NHEJ1: variants seen among roughly 807,000 people sequenced by gnomAD.
NHEJ1 encodes non-homologous end-joining factor 1.
A neutral mutation model predicts 39.4 loss-of-function variants in NHEJ1; 22 were observed. The observed-to-expected ratio is 0.56, with a 90% CI of 0.40 to 0.80. The LOEUF is 0.80. NHEJ1 is among the 30% of genes least tolerant of loss of function. The pLI is 0.00. For missense variants in NHEJ1, 329 were observed against 357.1 expected, an observed-to-expected ratio of 0.92 and a Z score of 0.63; for synonymous variants, 154 against 135.6, an observed-to-expected ratio of 1.14 and a Z score of -0.94.
intron 5 of NHEJ1, chr2:219,095,142 G>C (rs557976730): frequency 1.6e-5 from 6 of 381,976 alleles, no homozygotes; most frequent in African/African-American, 1.3e-4. Context: ...TGGGCAGTGG[G>C]TGTGGCTAAG....
intron 5 of NHEJ1, among the ~76,000 whole-genome samples, chr2:219,081,792 A>C (rs1183913785): frequency 3.3e-5 from 5 of 152,242 alleles, no homozygotes; most frequent in Non-Finnish European, 7.3e-5. Context: ...GAGTTCTGCA[A>C]AAAGCATCAG....
intron 5 of NHEJ1, among the ~76,000 whole-genome samples, chr2:219,104,461 G>A (rs1949295951): frequency 6.6e-6 from 1 of 152,214 alleles, no homozygotes; most frequent in Non-Finnish European, 1.5e-5. Flanking sequence ...TCCCTTACAA[G>A]AGGGTGCAAG....
At chr2:219,130,253 A>G (rs1949565526) in intron 5 of NHEJ1, among the ~76,000 whole-genome samples, 1 of 152,152 alleles carries the variant, frequency 6.6e-6, no homozygotes, top group South Asian at 2.1e-4. Flanking sequence ...ACAAGCTGAA[A>G]ACTGACATTC....
At chr2:219,158,785 T>C in intron 1 of NHEJ1, 1 of 211,862 alleles carries the variant, frequency 4.7e-6, no homozygotes, top group African/African-American at 2.3e-5. Context: ...AGTTCTTGTC[T>C]TATAAAACAT....
chr2:219,075,250 T>C lies in NHEJ1; in HGVS notation c.*1131A>G, dbSNP rs550093261. 6.6e-6 allele frequency: 1 copy of C among 152,354 alleles called. No homozygotes were observed. The highest frequency in any genetic ancestry group is 2.4e-5 in the African/African-American group (1 of 41,576). 9.4% of individuals were successfully genotyped at this position (152,354 alleles called of 1,614,324 possible). On this transcript the variant is annotated 3_prime_UTR_variant, in exon 8 of 8. Transcript: ENST00000356853. The stretch of plus-strand genomic sequence containing the variant: ...ACAGCATCTTCCTCATATGATGCTA[T>C]GAGGATCAATGTCAAGTGCTCATTA...
chr2:219,086,555 G>A (rs182193583), intron 5 of NHEJ1, among the ~76,000 whole-genome samples: 1 of 152,334 alleles, frequency 6.6e-6, no homozygotes, highest in East Asian at 1.9e-4. Flanking sequence ...GAAAAGGAAA[G>A]CCTTACTTCA....
chr2:219,125,575 C>T (rs569448321), intron 5 of NHEJ1: 9 of 152,542 alleles, frequency 5.9e-5, no homozygotes, highest in South Asian at 4.1e-4. Flanking sequence ...CCCACTGTCA[C>T]CTTGGCCCTG....
Position 219,111,726 on chromosome 2 carries a change from A to G in NHEJ1, c.589-33520T>C, listed in dbSNP as rs1354447204. ...GAAAGCACACACAACACAACACACC[A>G]GGGCAGCTGCAGAAAACAACTGCTT... On this transcript the variant is annotated intron_variant, in intron 5 of 7. Coordinates refer to ENST00000356853, the MANE Select transcript of NHEJ1 (RefSeq NM_024782.3). The surrounding 1 kb of genome is among the most constrained non-coding windows in gnomAD (Gnocchi z 4.1). 6.6e-6 allele frequency among the ~76,000 whole-genome samples: 1 copy of G among 152,004 alleles called. No homozygotes were observed. The highest frequency in any genetic ancestry group is 2.4e-5 in the African/African-American group (1 of 41,380).
intron 1 of NHEJ1, chr2:219,159,017 G>C (rs1035285318): frequency 7.2e-5 from 11 of 153,254 alleles, no homozygotes; most frequent in African/African-American, 2.7e-4. Context: ...AACTCTCAGG[G>C]ATCGATGACA....
chr2:219,086,008 A>G (rs975346004), intron 5 of NHEJ1, among the ~76,000 whole-genome samples: 13 of 152,206 alleles, frequency 8.5e-5, no homozygotes, highest in Non-Finnish European at 1.8e-4. Flanking sequence ...CTGCAGGGTC[A>G]GAAGAGGAGG....
At chr2:219,078,711 A>C (rs995850579) in intron 5 of NHEJ1, among the ~76,000 whole-genome samples, 1 of 152,134 alleles carries the variant, frequency 6.6e-6, no homozygotes, top group Non-Finnish European at 1.5e-5. Context: ...AAAGCTGACA[A>C]AGCTTTTGAG....
chr2:219,118,527 G>T (rs1421709932), intron 5 of NHEJ1, among the ~76,000 whole-genome samples: 1 of 152,116 alleles, frequency 6.6e-6, no homozygotes, highest in Non-Finnish European at 1.5e-5. Flanking sequence ...TTGATTCAGG[G>T]GGCCAGACTG....
Position 219,078,220 on chromosome 2 carries a change from G to A in NHEJ1, c.589-14C>T, listed in dbSNP as rs1432657602. The A allele has an allele frequency of 6.3e-7, 1 of 1,598,966 alleles. No individual in the cohort carries two copies. The highest frequency in any genetic ancestry group is 1.1e-5 in the South Asian group (1 of 90,788). On this transcript the variant is annotated splice_polypyrimidine_tract_variant and intron_variant, in intron 5 of 7. Transcript: ENST00000356853. ...CTCTGGCAGTTTCTGTAAGAGAGAGGAGATACTGTCATTGGTTACACTGTA... is the reference window on the plus strand; with the variant it reads ...CTCTGGCAGTTTCTGTAAGAGAGAGAAGATACTGTCATTGGTTACACTGTA...
Position 219,071,347 on chromosome 2 carries a change from A to G in NHEJ1, c.*5034T>C, listed in dbSNP as rs1029381350. 7.2e-5 allele frequency among the ~76,000 whole-genome samples: 11 copies of G among 152,074 alleles called. No individual in the cohort carries two copies. Among genetic ancestry groups the G allele is most frequent in the Non-Finnish European group, 1.2e-4 (8 of 67,992 alleles). Reference sequence around the variant, plus strand: ...AGCTAGGAGGACTCTGGCCCGGGAGAGGGGGGTAGGGGTTAGGCAAACAGG... The same window carrying G: ...AGCTAGGAGGACTCTGGCCCGGGAGGGGGGGGTAGGGGTTAGGCAAACAGG... On this transcript the variant is annotated 3_prime_UTR_variant, in exon 8 of 8. Coordinates refer to ENST00000356853, the MANE Select transcript of NHEJ1 (RefSeq NM_024782.3).
intron 5 of NHEJ1, among the ~76,000 whole-genome samples, chr2:219,138,056 T>A (rs1374723151): frequency 6.6e-6 from 1 of 152,146 alleles, no homozygotes; most frequent in Non-Finnish European, 1.5e-5. Context: ...AGACTTATCC[T>A]TTTTTACGAT....
At chr2:219,101,757 C>T (rs142848110) in intron 5 of NHEJ1, among the ~76,000 whole-genome samples, 3,116 of 143,540 alleles carry the variant, frequency 0.022, 52 homozygotes, top group Non-Finnish European at 0.033. Context: ...CTTGCTCTGT[C>T]GCCAGGCTGG....
At chr2:219,124,971 G>T (rs1316753901) in intron 5 of NHEJ1, among the ~76,000 whole-genome samples, 1 of 152,078 alleles carries the variant, frequency 6.6e-6, no homozygotes, top group Admixed American at 6.5e-5. Flanking sequence ...TCCAGGATGT[G>T]CTATCTGCCT....
At chr2:219,144,266 T>C (rs1370024273) in intron 5 of NHEJ1, among the ~76,000 whole-genome samples, 1 of 152,096 alleles carries the variant, frequency 6.6e-6, no homozygotes. Flanking sequence ...AATCCAAACT[T>C]ATTGAAGACT....
rs919665344 is a variant in NHEJ1 at position 219,072,139 on chromosome 2, C to T, written c.*4242G>A. 1.3e-5 allele frequency among the ~76,000 whole-genome samples: 2 copies of T among 152,214 alleles called. No homozygotes were observed. Among genetic ancestry groups the T allele is most frequent in the African/African-American group, 4.8e-5 (2 of 41,454 alleles). On this transcript the variant is annotated 3_prime_UTR_variant, in exon 8 of 8. Coordinates refer to ENST00000356853, the MANE Select transcript of NHEJ1 (RefSeq NM_024782.3). Reference sequence around the variant, plus strand: ...CAAGCTACCTCATACCCTCCATGCACTGGATGTTCCGCTCATGGTGAGATC... The same window carrying T: ...CAAGCTACCTCATACCCTCCATGCATTGGATGTTCCGCTCATGGTGAGATC...
Sources: gnomAD v4.1 joint callset for allele counts (sites outside exome capture counted in the v4.1 genomes callset) on GRCh38, gnomAD v4.1.1 for gene constraint, Gnocchi (gnomAD v3.1) non-coding constraint, MANE v1.5 for transcripts, NCBI Gene and HGNC (gene_info 2026-07-23, HGNC 2026-07-21) for gene names.